The following FRRS1 variants were observed in gnomAD, a reference collection of about 807,000 sequenced individuals.
FRRS1 encodes ferric chelate reductase 1, also known as ferric reductase 1.
Under a neutral mutation model 70.7 loss-of-function variants are expected in FRRS1, and 51 were observed. That is an observed-to-expected ratio of 0.72 (90% CI 0.58 to 0.91). FRRS1 has a LOEUF of 0.91. Ranked by LOEUF, FRRS1 falls within the 40% of genes least tolerant of loss-of-function variation. FRRS1 has a pLI of 0.00. For missense variants in FRRS1, 672 were observed against 726.0 expected, an observed-to-expected ratio of 0.93 and a Z score of 0.86; for synonymous variants, 225 against 238.7, an observed-to-expected ratio of 0.94 and a Z score of 0.53.
chr1:99,729,218 C>T (rs915994498), intron 8 of FRRS1, among the ~76,000 whole-genome samples: 19 of 152,222 alleles, frequency 1.2e-4, no homozygotes, highest in Admixed American at 1.2e-3. Context: ...CTTTGACACA[C>T]ATGCCAACAA....
At chr1:99,751,821 G>A (rs989630720) in intron 1 of FRRS1, among the ~76,000 whole-genome samples, 74 of 152,138 alleles carry the variant, frequency 4.9e-4, no homozygotes, top group Admixed American at 2.7e-3. Flanking sequence ...AGAAAGGAGA[G>A]CATTGGAAAA....
intron 1 of FRRS1, among the ~76,000 whole-genome samples, chr1:99,759,314 C>T (rs1657006466): frequency 6.6e-6 from 1 of 152,176 alleles, no homozygotes; most frequent in South Asian, 2.1e-4. Context: ...CTGTAAAATT[C>T]CTGTCTTTAA....
At chr1:99,742,366 A>G (rs1656012608) in intron 4 of FRRS1, 93 bp from the exon 5 acceptor site, 6 of 759,384 alleles carry the variant, frequency 7.9e-6, no homozygotes, top group Middle Eastern at 4.7e-4. Context: ...TTATCATTGC[A>G]TGACATTAGC....
rs1654590726 is a variant in FRRS1 at position 99,717,470 on chromosome 1, G to A, written c.1176C>T (p.Ala392=). Residue 392 remains alanine (A), a synonymous_variant, in exon 11 of 17, where the codon GCC becomes GCT. Coordinates refer to ENST00000646001, the MANE Select transcript of FRRS1 (RefSeq NM_001361041.2). ...MTTVSIGVLV[A]RFFKPVWSKA... ...TTGACCAAACTGGCTTGAAGAACCG[G>A]GCAACCAGTACACCTATGCTAACAG... 6.2e-7 allele frequency: 1 copy of A among 1,613,868 alleles called. No individual in the cohort carries two copies. The highest frequency in any genetic ancestry group is 1.3e-5 in the African/African-American group (1 of 74,860).
rs1326677664 is a variant in FRRS1 at position 99,747,446 on chromosome 1, A to G, written c.197-16T>C. The G allele has an allele frequency of 2.5e-6, 4 of 1,604,140 alleles. No individual in the cohort carries two copies. In the Admixed American group the frequency reaches 7.0e-5, roughly 28 times the overall value. ...GACAAAGTAACTGAGAAAAAGACAAAAGGGTTGGTTAAAAAGCTTAGTAAT... is the reference window on the plus strand; with the variant it reads ...GACAAAGTAACTGAGAAAAAGACAAGAGGGTTGGTTAAAAAGCTTAGTAAT... On this transcript the variant is annotated splice_polypyrimidine_tract_variant and intron_variant, in intron 3 of 16. Transcript: ENST00000646001.
At chr1:99,714,493 T>A (rs375339814) in intron 12 of FRRS1, among the ~76,000 whole-genome samples, 20 of 151,536 alleles carry the variant, frequency 1.3e-4, no homozygotes, top group African/African-American at 4.8e-4. Context: ...GGTTTACATT[T>A]AAAAAAAAAT....
chr1:99,709,148 A>G, intron 16 of FRRS1, 28 bp from the exon 17 acceptor site: 1 of 1,607,592 alleles, frequency 6.2e-7, no homozygotes, highest in East Asian at 2.2e-5. Flanking sequence ...ATATGAAAAA[A>G]AAAAGTATTA....
At position 99,706,769 on chromosome 1, in the gene FRRS1, C is replaced by T. The variant is rs1426358710; in HGVS notation, c.*2259G>A. 6.6e-6 allele frequency among the ~76,000 whole-genome samples: 1 copy of T among 151,966 alleles called. No individual in the cohort carries two copies. The highest frequency in any genetic ancestry group is 1.9e-4 in the East Asian group (1 of 5,172). Reference sequence around the variant, plus strand: ...ATTAGCCGAGACTGGTGGTGCACACCTGTAGTCCCAGCTATTCAGGAGACT... The same window carrying T: ...ATTAGCCGAGACTGGTGGTGCACACTTGTAGTCCCAGCTATTCAGGAGACT... On this transcript the variant is annotated 3_prime_UTR_variant, in exon 17 of 17. Coordinates refer to ENST00000646001, the MANE Select transcript of FRRS1 (RefSeq NM_001361041.2).
rs578022193 is a variant in FRRS1, at chr1:99,717,261, T to C, written c.1236+149A>G. ...TCAAGCACATTGTGTCCACTCTCAATTGATCAGGAAATCAAAGGGAAAAAG... is the reference window on the plus strand; with the variant it reads ...TCAAGCACATTGTGTCCACTCTCAACTGATCAGGAAATCAAAGGGAAAAAG... On this transcript the variant is annotated intron_variant, in intron 11 of 16. Coordinates refer to ENST00000646001, the MANE Select transcript of FRRS1 (RefSeq NM_001361041.2). 34 of 647,846 alleles carry C rather than the reference T, an allele frequency of 5.2e-5. No homozygotes were observed. The East Asian group carries it at 8.1e-4, about 15-fold the overall frequency. 40.1% of individuals were successfully genotyped at this position (647,846 alleles called of 1,614,324 possible). A position where few individuals can be genotyped will look rare whatever the true frequency, so the allele number is the denominator to read the frequency against.
At chr1:99,745,290 A>G (rs1656194658) in intron 4 of FRRS1, among the ~76,000 whole-genome samples, 1 of 152,202 alleles carries the variant, frequency 6.6e-6, no homozygotes, top group African/African-American at 2.4e-5. Flanking sequence ...GTTGTTAACT[A>G]CAAGAAGTCC....
chr1:99,726,575 G>A (rs1655087677), intron 9 of FRRS1, among the ~76,000 whole-genome samples: 1 of 152,158 alleles, frequency 6.6e-6, no homozygotes, highest in Admixed American at 6.6e-5. Flanking sequence ...AAATAAATGA[G>A]ATACATGTAA....
At position 99,747,513 on chromosome 1, in the gene FRRS1, T is replaced by C. The variant is rs189579297; in HGVS notation, c.197-83A>G. Reference sequence around the variant, plus strand: ...TAGAGGTTGTACATTACAATTACAATGAGGTCTACATATGCAAAAGTACTC... The same window carrying C: ...TAGAGGTTGTACATTACAATTACAACGAGGTCTACATATGCAAAAGTACTC... On this transcript the variant is annotated intron_variant, in intron 3 of 16. Coordinates refer to ENST00000646001, the MANE Select transcript of FRRS1 (RefSeq NM_001361041.2). The C allele has an allele frequency of 1.9e-5, 25 of 1,308,874 alleles. No homozygotes were observed. The African/African-American group carries it at 3.4e-4, about 18-fold the overall frequency. 81.1% of individuals were successfully genotyped at this position (1,308,874 alleles called of 1,614,324 possible).
intron 11 of FRRS1, among the ~76,000 whole-genome samples, chr1:99,716,807 C>G (rs1048837104): frequency 2.6e-5 from 4 of 152,112 alleles, no homozygotes; most frequent in Non-Finnish European, 4.4e-5. Flanking sequence ...GTTTGTTTTG[C>G]TTTGTTTTGA....
intron 1 of FRRS1, among the ~76,000 whole-genome samples, chr1:99,756,276 AT>A (rs1458628949): frequency 2.6e-5 from 4 of 152,212 alleles, no homozygotes; most frequent in Non-Finnish European, 5.9e-5. Flanking sequence ...GAGATTTACT[AT>A]TTTAAAAAAC....
intron 1 of FRRS1, among the ~76,000 whole-genome samples, chr1:99,761,426 C>A (rs1009632963): frequency 6.6e-6 from 1 of 152,170 alleles, no homozygotes; most frequent in Non-Finnish European, 1.5e-5. Flanking sequence ...CTCACCTGAC[C>A]AATTTTTCCA....
chr1:99,718,819 CTT>C (rs1158375255), intron 10 of FRRS1, among the ~76,000 whole-genome samples: 3 of 152,160 alleles, frequency 2.0e-5, no homozygotes, highest in Admixed American at 1.3e-4. Flanking sequence ...ACAGGCCACT[CTT>C]TTATTAGCAT....
In FRRS1 at chr1:99,712,491, C is replaced by G; in HGVS notation, c.1348G>C (p.Gly450Arg). ...SRHAGYHPYL[G>R]CIVMTLAVLQ... The stretch of plus-strand genomic sequence containing the variant: ...ACTGCCAAAGTCATCACTATACAGC[C>G]GAGGTATGGGTGGTAACCTGCATGC... The change falls in exon 13 of 17, where the codon GGC (glycine) becomes CGC (arginine). Residue 450 changes from glycine to arginine, a missense_variant. Gly to Arg is a moderately radical substitution (Grantham distance 125). Transcript: ENST00000646001. The G allele has an allele frequency of 6.2e-7, 1 of 1,611,352 alleles. No individual in the cohort carries two copies. The highest frequency in any genetic ancestry group is 1.7e-5 in the Admixed American group (1 of 59,432).
intron 12 of FRRS1, among the ~76,000 whole-genome samples, chr1:99,713,433 T>C (rs961150513): frequency 6.6e-5 from 10 of 152,222 alleles, no homozygotes; most frequent in African/African-American, 2.2e-4. Context: ...TCAATTCATA[T>C]CACAAAATCT....
At chr1:99,728,281 C>T (rs1294884364) in intron 9 of FRRS1, among the ~76,000 whole-genome samples, 2 of 152,108 alleles carry the variant, frequency 1.3e-5, no homozygotes, top group African/African-American at 4.8e-5. Context: ...TGTCTTGAGC[C>T]GTGTTGCCTT....
Sources: allele counts gnomAD v4.1 joint callset (sites outside exome capture counted in the v4.1 genomes callset), GRCh38; gene constraint gnomAD v4.1.1; transcripts MANE v1.5; gene names NCBI Gene and HGNC (gene_info 2026-07-23, HGNC 2026-07-21).